MINDY4: variants seen among roughly 807,000 people sequenced by gnomAD.
MINDY4 encodes probable ubiquitin carboxyl-terminal hydrolase MINDY-4.
A neutral mutation model predicts 87.0 loss-of-function variants in MINDY4; 68 were observed. The ratio of observed to expected loss-of-function variants is 0.78; its 90% CI spans 0.64 to 0.96. MINDY4 has a LOEUF of 0.96. Ranked by LOEUF, MINDY4 falls within the 40% of genes least tolerant of loss-of-function variation. The pLI, the probability that MINDY4 is intolerant of heterozygous loss-of-function variation, is 0.00. For synonymous variants in MINDY4, 379 were observed against 363.2 expected (o/e 1.04, Z -0.50); for missense variants, 919 against 928.2 (o/e 0.99, Z 0.13).
At chr7:30,811,491 A>C (rs1787996347) in intron 5 of MINDY4, among the ~76,000 whole-genome samples, 1 of 152,222 alleles carries the variant, frequency 6.6e-6, no homozygotes, top group African/African-American at 2.4e-5. Flanking sequence ...AACTCCCACT[A>C]TTGAGTGAGA....
At chr7:30,863,041 C>T (rs1789815680) in intron 13 of MINDY4, among the ~76,000 whole-genome samples, 1 of 152,146 alleles carries the variant, frequency 6.6e-6, no homozygotes, top group Admixed American at 6.5e-5. Context: ...GCTCTCCAGC[C>T]ACTGTCCCTG....
At chr7:30,870,953 C>T (rs1211278410) in intron 13 of MINDY4, among the ~76,000 whole-genome samples, 1 of 150,838 alleles carries the variant, frequency 6.6e-6, no homozygotes, top group Admixed American at 6.6e-5. Context: ...GTGTGTGCCT[C>T]CCAGAGTCAA....
At chr7:30,771,903 G>T (rs1020690892) in intron 1 of MINDY4, among the ~76,000 whole-genome samples, 4 of 152,220 alleles carry the variant, frequency 2.6e-5, no homozygotes, top group East Asian at 1.9e-4. Context: ...CTGCGCCCTA[G>T]CCTGGCTGCC....
intron 5 of MINDY4, among the ~76,000 whole-genome samples, chr7:30,812,616 A>G (rs1039534404): frequency 2.0e-5 from 3 of 152,202 alleles, no homozygotes; most frequent in South Asian, 2.1e-4. Flanking sequence ...TTCTTGTTAC[A>G]TGGGCATCCG....
chr7:30,849,631 T>A (rs1033958995), intron 9 of MINDY4, among the ~76,000 whole-genome samples: 33 of 152,298 alleles, frequency 2.2e-4, no homozygotes, highest in African/African-American at 7.9e-4. Context: ...CCCTTCTTCC[T>A]CTGCCTCCGC....
intron 4 of MINDY4, 180 bp downstream of exon 4, chr7:30,786,172 G>A: frequency 3.8e-6 from 3 of 788,488 alleles, no homozygotes; most frequent in Non-Finnish European, 5.9e-6. Context: ...TGACACGTGG[G>A]GCCTTGAGCA....
intron 9 of MINDY4, among the ~76,000 whole-genome samples, chr7:30,849,783 T>G (rs1188512570): frequency 6.6e-6 from 1 of 152,206 alleles, no homozygotes; most frequent in Non-Finnish European, 1.5e-5. Context: ...AAGATCTGAG[T>G]GCATCTCAAA....
intron 5 of MINDY4, among the ~76,000 whole-genome samples, chr7:30,796,019 C>T (rs1342276907): frequency 1.3e-5 from 2 of 152,124 alleles, no homozygotes; most frequent in Non-Finnish European, 2.9e-5. Flanking sequence ...GCCATGTAAC[C>T]GAACACATTC....
At chr7:30,872,921 C>G (rs987118496) in intron 14 of MINDY4, among the ~76,000 whole-genome samples, 4 of 152,232 alleles carry the variant, frequency 2.6e-5, no homozygotes, top group Non-Finnish European at 5.9e-5. Context: ...ATGCCTTTCT[C>G]CCCATGATGA....
chr7:30,882,263 A>C lies in MINDY4; in HGVS notation c.2054A>C (p.Gln685Pro), dbSNP rs1356472401. 6.2e-7 allele frequency: 1 copy of C among 1,614,002 alleles called. No homozygotes were observed. The highest frequency in any genetic ancestry group is 8.5e-7 in the Non-Finnish European group (1 of 1,179,884). Residue 685 changes from glutamine to proline, a missense_variant, in exon 16 of 18, where the codon CAG (glutamine) becomes CCG (proline). By Grantham distance (76) the Gln-to-Pro change is moderately conservative. Transcript: ENST00000265299. ...CACTTCAGCATCCTCTTTAGCCTGCAGCCGGGGCTCCTGCGTGACTGGAGG... is the reference window on the plus strand; with the variant it reads ...CACTTCAGCATCCTCTTTAGCCTGCCGCCGGGGCTCCTGCGTGACTGGAGG... ...ESHFSILFSL[Q>P]PGLLRDWRTE... is the part of the protein sequence containing the mutation.
At chr7:30,801,695 C>A (rs1787655999) in intron 5 of MINDY4, among the ~76,000 whole-genome samples, 1 of 152,142 alleles carries the variant, frequency 6.6e-6, no homozygotes, top group African/African-American at 2.4e-5. Context: ...GTTGATGACC[C>A]CTAAACCTTG....
At chr7:30,876,071 AC>A (rs1790249026) in intron 15 of MINDY4, among the ~76,000 whole-genome samples, 1 of 152,132 alleles carries the variant, frequency 6.6e-6, no homozygotes, top group Non-Finnish European at 1.5e-5. Flanking sequence ...TAACTGTCTC[AC>A]AGTTCTGGAG....
At chr7:30,811,272 C>T (rs1278304351) in intron 5 of MINDY4, among the ~76,000 whole-genome samples, 1 of 152,198 alleles carries the variant, frequency 6.6e-6, no homozygotes, top group Non-Finnish European at 1.5e-5. Flanking sequence ...GACTCAGCTG[C>T]ACTAAAAAGA....
chr7:30,830,681 A>AT (rs1788675057), intron 6 of MINDY4, among the ~76,000 whole-genome samples: 1 of 152,146 alleles, frequency 6.6e-6, no homozygotes, highest in Non-Finnish European at 1.5e-5. Flanking sequence ...GTTCCCTCCT[A>AT]TGACATGTGG....
intron 15 of MINDY4, among the ~76,000 whole-genome samples, chr7:30,879,922 T>G (rs760037699): frequency 6.7e-6 from 1 of 148,856 alleles, no homozygotes; most frequent in African/African-American, 2.6e-5. Context: ...CACCTGCTTT[T>G]TCTTACTTAG....
chr7:30,807,188 A>G (rs9918618), intron 5 of MINDY4, among the ~76,000 whole-genome samples: 14,200 of 152,208 alleles, frequency 0.093, 1,355 homozygotes, highest in African/African-American at 0.24. Flanking sequence ...CACGTCCATT[A>G]TTTCATGTCC....
intron 5 of MINDY4, among the ~76,000 whole-genome samples, chr7:30,819,636 T>C (rs926873034): frequency 1.3e-5 from 2 of 152,194 alleles, no homozygotes; most frequent in Admixed American, 1.3e-4. Context: ...TGTCAAATTT[T>C]TGATAATATG....
At chr7:30,828,543 C>T in intron 5 of MINDY4, 136 bp from the exon 6 acceptor site, 1 of 826,372 alleles carries the variant, frequency 1.2e-6, no homozygotes. Context: ...GGGGAGTATT[C>T]AAGGCACACA....
chr7:30,849,343 G>A (rs1161128487), intron 9 of MINDY4, among the ~76,000 whole-genome samples: 1 of 152,178 alleles, frequency 6.6e-6, no homozygotes, highest in African/African-American at 2.4e-5. Context: ...TTGTTTGTTA[G>A]GGAGAGACCA....
Sources: gnomAD v4.1 joint callset for allele counts (sites outside exome capture counted in the v4.1 genomes callset) on GRCh38, gnomAD v4.1.1 for gene constraint, MANE v1.5 for transcripts, NCBI Gene and HGNC (gene_info 2026-07-23, HGNC 2026-07-21) for gene names.